The following EDA2R variants were observed in gnomAD, a reference collection of about 807,000 sequenced individuals.
The protein encoded by EDA2R is tumor necrosis factor receptor superfamily member 27.
EDA2R carries 26 observed loss-of-function variants against 20.1 expected under a neutral mutation model. The observed-to-expected ratio is 1.30, with a 90% CI of 0.95 to 1.80. EDA2R has a LOEUF of 1.80. Among genes scored for constraint, EDA2R ranks in the 40% most tolerant of loss-of-function variants. The probability of loss-of-function intolerance (pLI) is 0.00; values close to 1 mark genes in which losing one functional copy is unlikely to be tolerated. For missense variants in EDA2R, 277 were observed against 228.7 expected (o/e 1.21, Z -1.36); for synonymous variants, 114 against 88.7 (o/e 1.29, Z -1.60).
At chrX:66,601,102 C>G (rs1211211546) in intron 5 of EDA2R, among the ~76,000 whole-genome samples, 7 of 112,110 alleles carry the variant, frequency 6.2e-5, no homozygotes, top group Admixed American at 1.9e-4. Context: ...TCTAGCCTTC[C>G]TAGCCCTTAT....
At chrX:66,608,860 T>C (rs1471182396) in intron 2 of EDA2R, among the ~76,000 whole-genome samples, 2 of 110,863 alleles carry the variant, frequency 1.8e-5, no homozygotes, top group Non-Finnish European at 3.8e-5. Context: ...GAGGGGGAAA[T>C]TGGGAGTTAT....
chrX:66,602,351 T>G (rs1173839246), intron 5 of EDA2R, among the ~76,000 whole-genome samples: 1 of 111,084 alleles, frequency 9.0e-6, no homozygotes, highest in African/African-American at 3.3e-5. Flanking sequence ...GTCTCCCGAT[T>G]CCTTTCCTGA....
chrX:66,609,262 G>C (rs1930283101), intron 2 of EDA2R, among the ~76,000 whole-genome samples: 1 of 111,869 alleles, frequency 8.9e-6, no homozygotes, highest in Admixed American at 9.5e-5. Flanking sequence ...TGTTACAGCA[G>C]TTAATATTAC....
At chrX:66,609,222 T>C (rs1271540763) in intron 2 of EDA2R, among the ~76,000 whole-genome samples, 1 of 112,028 alleles carries the variant, frequency 8.9e-6, no homozygotes, top group Non-Finnish European at 1.9e-5. Flanking sequence ...AATAAACCCT[T>C]AACCTCTTAT....
chrX:66,599,149 C>A (rs1268096804), intron 6 of EDA2R, among the ~76,000 whole-genome samples: 1 of 111,863 alleles, frequency 8.9e-6, no homozygotes, highest in East Asian at 2.8e-4. Flanking sequence ...CTGTGCTATG[C>A]TGCTTGCACA....
intron 1 of EDA2R, among the ~76,000 whole-genome samples, chrX:66,636,343 G>T (rs962620110): frequency 5.4e-5 from 6 of 111,379 alleles, no homozygotes; most frequent in Non-Finnish European, 9.4e-5. Context: ...AGTCATATTT[G>T]ACTTGATACC....
Position 66,602,647 on chromosome X carries a change from C to A in EDA2R, c.503G>T (p.Arg168Ile). 1.7e-6 allele frequency: 2 copies of A among 1,199,584 alleles called. No individual in the cohort carries two copies. Among genetic ancestry groups the A allele is most frequent in the African/African-American group, 1.7e-5 (1 of 57,548 alleles). Residue 168 changes from arginine to isoleucine, a missense_variant, in exon 5 of 7, where the codon AGA becomes ATA. Physicochemically the swap from Arg to Ile is moderately conservative, Grantham distance 97 (BLOSUM62 -3). Coordinates refer to ENST00000374719, the MANE Select transcript of EDA2R (RefSeq NM_021783.5). ...FFLYCKQFFN[R>I]HCQRGGLLQF... The stretch of plus-strand genomic sequence containing the variant: ...GCCACCCTTACCACGCTGGCAATGT[C>A]TGTTGAAGAACTGCTTGCAGTAGAG...
At chrX:66,621,649 C>T (rs528367935) in intron 1 of EDA2R, among the ~76,000 whole-genome samples, 21 of 112,261 alleles carry the variant, frequency 1.9e-4, no homozygotes, top group African/African-American at 6.5e-4. Context: ...AAGCTAGACA[C>T]AAAAGGACAA....
At chrX:66,622,790 C>T (rs757636904) in intron 1 of EDA2R, among the ~76,000 whole-genome samples, 9 of 112,382 alleles carry the variant, frequency 8.0e-5, no homozygotes, top group African/African-American at 2.6e-4. Flanking sequence ...CTTTTCTGAA[C>T]TGACCCAAGG....
intron 4 of EDA2R, among the ~76,000 whole-genome samples, chrX:66,603,268 T>G (rs1337413749): frequency 8.9e-6 from 1 of 112,182 alleles, no homozygotes; most frequent in African/African-American, 3.2e-5. Flanking sequence ...CATTATACAA[T>G]ACATAACAAT....
chrX:66,601,056 G>A (rs1928503254), intron 5 of EDA2R, among the ~76,000 whole-genome samples: 1 of 111,657 alleles, frequency 9.0e-6, no homozygotes, highest in Admixed American at 9.5e-5. Flanking sequence ...GTAAGTCAGT[G>A]ACTCCTGAAA....
intron 1 of EDA2R, among the ~76,000 whole-genome samples, chrX:66,620,877 A>G (rs1750268627): frequency 1.9e-5 from 2 of 107,621 alleles, no homozygotes; most frequent in Middle Eastern, 4.7e-3. Flanking sequence ...CAAATGGCCC[A>G]TAAACACATG....
At chrX:66,602,917 G>A in intron 4 of EDA2R, 120 bp from the exon 5 acceptor site, 1 of 642,533 alleles carries the variant, frequency 1.6e-6, no homozygotes. Context: ...CAATTAGGGT[G>A]GCTATGCTGG....
Position 66,602,745 on chromosome X carries a change from C to T in EDA2R, c.405G>A (p.Gln135=), listed in dbSNP as rs111474487. ...TCACCAGTGCAACAAGTGTGGCCTCCTGAGGGGGCACTGTGGGTGTATCTG... is the reference window on the plus strand; with the variant it reads ...TCACCAGTGCAACAAGTGTGGCCTCTTGAGGGGGCACTGTGGGTGTATCTG... ...VEADTPTVPP[Q]EATLVALVSS... Residue 135 remains glutamine, a synonymous_variant, in exon 5 of 7, where the codon CAG becomes CAA. Transcript: ENST00000374719. The T allele has an allele frequency of 8.3e-7, 1 of 1,197,982 alleles. No individual in the cohort carries two copies. The highest frequency in any genetic ancestry group is 1.1e-6 in the Non-Finnish European group (1 of 888,332).
At chrX:66,638,504 C>T (rs1414788249) in intron 1 of EDA2R, among the ~76,000 whole-genome samples, 3 of 110,689 alleles carry the variant, frequency 2.7e-5, no homozygotes, top group Non-Finnish European at 5.7e-5. Context: ...CAAGTGAAAC[C>T]AAGCTCGGCG....
intron 2 of EDA2R, among the ~76,000 whole-genome samples, chrX:66,609,012 A>G (rs1396791620): frequency 8.9e-6 from 1 of 112,221 alleles, no homozygotes; most frequent in Non-Finnish European, 1.9e-5. Flanking sequence ...TTGAGATTAC[A>G]TATTTTACCA....
At chrX:66,626,909 C>G (rs1933152106) in intron 1 of EDA2R, among the ~76,000 whole-genome samples, 1 of 110,062 alleles carries the variant, frequency 9.1e-6, no homozygotes, top group African/African-American at 3.3e-5. Context: ...ATCAGATTAA[C>G]AGCAAATTTC....
chrX:66,610,549 T>G (rs1930564375), intron 2 of EDA2R, among the ~76,000 whole-genome samples: 1 of 111,870 alleles, frequency 8.9e-6, no homozygotes, highest in South Asian at 3.7e-4. Context: ...AACCAATAAG[T>G]TGAGTGATTG....
intron 1 of EDA2R, among the ~76,000 whole-genome samples, chrX:66,623,955 C>T (rs1384742516): frequency 8.9e-6 from 1 of 112,148 alleles, no homozygotes; most frequent in Non-Finnish European, 1.9e-5. Context: ...TACTTTATTG[C>T]TTTTTCTTCC....
Sources: allele counts gnomAD v4.1 joint callset (sites outside exome capture counted in the v4.1 genomes callset), GRCh38; gene constraint gnomAD v4.1.1; transcripts MANE v1.5; gene names NCBI Gene and HGNC (gene_info 2026-07-23, HGNC 2026-07-21).